Variants in CCSER2 observed in about 807,000 individuals in gnomAD.
CCSER2 encodes the protein coiled-coil serine rich protein 2.
CCSER2 carries 46 observed loss-of-function variants against 92.3 expected under a neutral mutation model. That is an observed-to-expected ratio of 0.50 (90% confidence interval 0.39 to 0.64). CCSER2 has a LOEUF of 0.64. Among genes scored for constraint, CCSER2 ranks in the 30% least tolerant of loss-of-function variants. The pLI, the probability that CCSER2 is intolerant of heterozygous loss-of-function variation, is 0.00. For synonymous variants in CCSER2, 433 were observed against 431.4 expected (o/e 1.00, Z -0.04); for missense variants, 1,244 against 1,238.9 (o/e 1.00, Z -0.06).
At chr10:84,462,587 G>A (rs760761930) in intron 6 of CCSER2, among the ~76,000 whole-genome samples, 5 of 152,018 alleles carry the variant, frequency 3.3e-5, no homozygotes, top group Non-Finnish European at 7.4e-5. Context: ...AATGTGTTCC[G>A]AGAATATTGC....
Position 84,484,831 on chromosome 10 carries a change from AT to A in CCSER2, c.2325+7176del, listed in dbSNP as rs554288690. Among the ~76,000 whole-genome samples the A allele has an allele frequency of 1.1e-3, 170 of 151,440 alleles. 5 individuals are homozygous for A. In the East Asian group the frequency reaches 0.03, roughly 27 times the overall value. On this transcript the variant is annotated intron_variant, in intron 9 of 9. Transcript: ENST00000372088. ...TTCTTTTATGTTTGTCATTTCTTCT[AT>A]TTTTTTTTAAACATTAGTGCTGTGA... is the stretch of plus-strand genomic sequence containing the variant.
chr10:84,499,650 A>G (rs550263225), intron 9 of CCSER2, among the ~76,000 whole-genome samples: 23 of 152,322 alleles, frequency 1.5e-4, no homozygotes, highest in African/African-American at 5.5e-4. Flanking sequence ...TACTACAAAT[A>G]TTAGAGGAAA....
rs529493262 is a variant in CCSER2, at chr10:84,328,816, C to T, written c.-40+8C>T. 3 of 151,634 alleles carry T rather than the reference C, an allele frequency of 2.0e-5. No homozygotes were observed. The highest frequency in any genetic ancestry group is 3.9e-4 in the South Asian group (2 of 5,108). 9.4% of individuals were successfully genotyped at this position (151,634 alleles called of 1,614,324 possible). The stretch of plus-strand genomic sequence containing the variant: ...CAGCGCGACCTCCGCACGGTGAGAT[C>T]CGGGCTCAGGGCCAGAGCCGGGGCC... On this transcript the variant is annotated splice_region_variant and intron_variant, in intron 1 of 9. Transcript: ENST00000372088.
chr10:84,467,821 TG>T (rs1424292564), intron 7 of CCSER2, among the ~76,000 whole-genome samples: 1 of 152,248 alleles, frequency 6.6e-6, no homozygotes, highest in Non-Finnish European at 1.5e-5. Context: ...TTTTCTCACA[TG>T]CAGTGAATTG....
intron 1 of CCSER2, among the ~76,000 whole-genome samples, chr10:84,347,436 G>A (rs959262736): frequency 4.0e-5 from 6 of 150,846 alleles, no homozygotes; most frequent in Admixed American, 1.3e-4. Flanking sequence ...CCTCCCGGAC[G>A]GGTCGGCTGG....
At chr10:84,386,433 G>C (rs1841210210) in intron 3 of CCSER2, among the ~76,000 whole-genome samples, 1 of 152,202 alleles carries the variant, frequency 6.6e-6, no homozygotes. Flanking sequence ...GAATGAAACT[G>C]AGACTGGGCC....
At chr10:84,389,842 T>G (rs1483516845) in intron 3 of CCSER2, among the ~76,000 whole-genome samples, 1 of 152,222 alleles carries the variant, frequency 6.6e-6, no homozygotes, top group Non-Finnish European at 1.5e-5. Context: ...TGTGTTTTTC[T>G]TCTCTCATAA....
Position 84,431,644 on chromosome 10 carries a change from A to AG in CCSER2, c.1868+5753dup, listed in dbSNP as rs1444608500. 1.3e-5 allele frequency among the ~76,000 whole-genome samples: 2 copies of AG among 151,938 alleles called. 1 individual carries two copies. Among genetic ancestry groups the AG allele is most frequent in the East Asian group, 3.9e-4 (2 of 5,188 alleles). On this transcript the variant is annotated intron_variant, in intron 5 of 9. Coordinates refer to ENST00000372088, the MANE Select transcript of CCSER2 (RefSeq NM_001284240.2). ...ATAGTCCCATCTACTTGGGAGGCTG[A>AG]GGTGGGGGGATCACTTGAGCCCAGG...
At chr10:84,333,266 C>T (rs1008772504) in intron 1 of CCSER2, among the ~76,000 whole-genome samples, 3 of 152,094 alleles carry the variant, frequency 2.0e-5, no homozygotes, top group Non-Finnish European at 4.4e-5. Context: ...AGGTTACTCC[C>T]ATTCTAGATA....
chr10:84,418,978 A>G (rs1332476750), intron 4 of CCSER2, among the ~76,000 whole-genome samples: 5 of 152,160 alleles, frequency 3.3e-5, no homozygotes, highest in African/African-American at 1.2e-4. Flanking sequence ...AGAAACATGC[A>G]TATTATGTCT....
At chr10:84,507,384 T>C (rs898133712) in intron 9 of CCSER2, 26 of 894,732 alleles carry the variant, frequency 2.9e-5, no homozygotes, top group Middle Eastern at 5.7e-4. Context: ...TAATCACTTT[T>C]TTTGGTTTTT....
At chr10:84,411,796 T>C (rs1842663233) in intron 3 of CCSER2, among the ~76,000 whole-genome samples, 1 of 152,196 alleles carries the variant, frequency 6.6e-6, no homozygotes, top group African/African-American at 2.4e-5. Flanking sequence ...TGAATACCTT[T>C]CATTTCTTTC....
intron 9 of CCSER2, among the ~76,000 whole-genome samples, chr10:84,505,773 C>A (rs538818800): frequency 6.6e-6 from 1 of 151,974 alleles, no homozygotes; most frequent in Non-Finnish European, 1.5e-5. Flanking sequence ...CTTCCACAAA[C>A]GTAGGCATGG....
intron 9 of CCSER2, among the ~76,000 whole-genome samples, chr10:84,492,895 G>A (rs1487867986): frequency 6.6e-6 from 1 of 152,008 alleles, no homozygotes; most frequent in Admixed American, 6.6e-5. Context: ...GTATTCTGGG[G>A]GTTAATGCTT....
rs1386205337 is a variant in CCSER2 at position 84,378,499 on chromosome 10, A to G, written c.1614+4684A>G. 6.0e-5 allele frequency among the ~76,000 whole-genome samples: 9 copies of G among 148,790 alleles called. No individual in the cohort carries two copies. In the East Asian group the frequency reaches 1.6e-3, roughly 26 times the overall value. ...ACCCAGGCTGGAGTGCGATGGCGCA[A>G]TCTTGGCTCACTGCAACCTCTGCCT... is the stretch of plus-strand genomic sequence containing the variant. On this transcript the variant is annotated intron_variant, in intron 3 of 9. Coordinates refer to ENST00000372088, the MANE Select transcript of CCSER2 (RefSeq NM_001284240.2).
intron 3 of CCSER2, among the ~76,000 whole-genome samples, chr10:84,377,172 A>G (rs141877261): frequency 1.3e-5 from 2 of 152,260 alleles, no homozygotes; most frequent in East Asian, 3.9e-4. Context: ...GTCTGTTGAT[A>G]TAGAACTTAC....
chr10:84,477,482 G>A (rs1847218957), intron 8 of CCSER2, 93 bp from the exon 9 acceptor site: 1 of 599,810 alleles, frequency 1.7e-6, no homozygotes, highest in Non-Finnish European at 2.9e-6. Flanking sequence ...TTGTCTCTTA[G>A]GTGTTTTATG....
intron 8 of CCSER2, among the ~76,000 whole-genome samples, chr10:84,476,470 T>A (rs1449762226): frequency 9.0e-5 from 11 of 121,814 alleles, no homozygotes; most frequent in African/African-American, 3.3e-4. Flanking sequence ...TTTGAAATGG[T>A]GTCTCCCTCT....
At chr10:84,349,809 CT>C (rs1844761500) in intron 1 of CCSER2, among the ~76,000 whole-genome samples, 2 of 152,190 alleles carry the variant, frequency 1.3e-5, no homozygotes. Flanking sequence ...TCTACATTTT[CT>C]TCTTTCCTAT....
Sources: gnomAD v4.1 joint callset for allele counts (sites outside exome capture counted in the v4.1 genomes callset) on GRCh38, gnomAD v4.1.1 for gene constraint, MANE v1.5 for transcripts, NCBI Gene and HGNC (gene_info 2026-07-23, HGNC 2026-07-21) for gene names.